The following SAFB variants were observed in gnomAD, a reference collection of about 807,000 sequenced individuals.
SAFB encodes scaffold attachment factor B.
SAFB carries 15 observed loss-of-function variants against 101.6 expected under a neutral mutation model. The observed-to-expected ratio is 0.15, with a 90% CI of 0.10 to 0.23. The LOEUF (loss-of-function observed/expected upper bound fraction) is 0.23. Ranked by LOEUF, SAFB falls within the 10% of genes least tolerant of loss-of-function variation. The pLI is 1.00. For missense variants in SAFB, 930 were observed against 1,104.1 expected (o/e 0.84, Z 2.23); for synonymous variants, 449 against 407.5 (o/e 1.10, Z -1.23).
intron 13 of SAFB, among the ~76,000 whole-genome samples, chr19:5,655,410 C>T (rs1248363049): frequency 2.0e-5 from 3 of 146,902 alleles, no homozygotes; most frequent in Non-Finnish European, 3.0e-5. Context: ...TAGTGAGCCA[C>T]GTTCATTGCA....
Position 5,653,429 on chromosome 19 carries a change from C to T in SAFB, c.1526+9C>T, listed in dbSNP as rs1031133552. ...TCGAGCAACAGTGACAGGTACCCCT[C>T]CTTCCTGGCTAAATTAAAGGGGCAG... On this transcript the variant is annotated intron_variant, in intron 11 of 20. Coordinates refer to ENST00000588852, the MANE Select transcript of SAFB (RefSeq NM_001201338.2). 3.1e-6 allele frequency: 5 copies of T among 1,612,114 alleles called. No homozygotes were observed. Among genetic ancestry groups the T allele is most frequent in the Admixed American group, 3.3e-5 (2 of 59,890 alleles).
At chr19:5,641,327 A>G (rs2053708569) in intron 2 of SAFB, among the ~76,000 whole-genome samples, 1 of 152,164 alleles carries the variant, frequency 6.6e-6, no homozygotes, top group Non-Finnish European at 1.5e-5. Context: ...AGAGCTGAGG[A>G]CAGGTCTGAT....
chr19:5,633,681 A>G (rs1169494410), intron 2 of SAFB, among the ~76,000 whole-genome samples: 1 of 152,006 alleles, frequency 6.6e-6, no homozygotes, highest in Non-Finnish European at 1.5e-5. Flanking sequence ...CGGGAGGCTG[A>G]GGCAGGAGAA....
intron 2 of SAFB, among the ~76,000 whole-genome samples, chr19:5,640,806 G>T (rs762885402): frequency 6.6e-6 from 1 of 152,140 alleles, no homozygotes; most frequent in Non-Finnish European, 1.5e-5. Flanking sequence ...GGCCAGGCTG[G>T]TGTCAAACTC....
At chr19:5,623,457 G>A in intron 1 of SAFB, 63 bp downstream of exon 1, 1 of 1,427,874 alleles carries the variant, frequency 7.0e-7, no homozygotes, top group Non-Finnish European at 9.5e-7. Flanking sequence ...CCGCGACGGT[G>A]GCTCGCGGGC....
chr19:5,641,343 T>TC (rs1568258761), intron 2 of SAFB, among the ~76,000 whole-genome samples: 1 of 152,070 alleles, frequency 6.6e-6, no homozygotes, highest in East Asian at 1.9e-4. Context: ...CTGATCCTGT[T>TC]CAACTTTACT....
At position 5,667,512 on chromosome 19, in the gene SAFB, G is replaced by T. The variant is rs982643774; in HGVS notation, c.2557+62G>T. 2 of 1,188,676 alleles carry T rather than the reference G, an allele frequency of 1.7e-6. No homozygotes were observed. The highest frequency in any genetic ancestry group is 2.4e-6 in the Non-Finnish European group (2 of 842,440). 73.6% of individuals were successfully genotyped at this position (1,188,676 alleles called of 1,614,324 possible). On this transcript the variant is annotated intron_variant, in intron 19 of 20. Coordinates refer to ENST00000588852, the MANE Select transcript of SAFB (RefSeq NM_001201338.2). The surrounding 1 kb of genome is among the most constrained non-coding windows in gnomAD (Gnocchi z 4.0). ...GGGGAGTGATGGAAAGATGGAGGCC[G>T]CGCCTTCTCTCCTTGGGGGAGCACA...
rs370999729 is a variant in SAFB at position 5,661,553 on chromosome 19, T to C, written c.1898T>C (p.Met633Thr). 6 of 1,613,068 alleles carry C rather than the reference T, an allele frequency of 3.7e-6. No individual in the cohort carries two copies. Among genetic ancestry groups the C allele is most frequent in the Non-Finnish European group, 5.1e-6 (6 of 1,179,904 alleles). Residue 633 changes from methionine to threonine, a missense_variant, in exon 15 of 21, where the codon ATG becomes ACG. Physicochemically the swap from Met to Thr is moderately conservative, Grantham distance 81. Around this residue, in one of 7 missense-constraint regions of SAFB, gnomAD observed 159 missense variants for 234.1 expected, o/e 0.68. Transcript: ENST00000588852. ...VRERSEREQR[M>T]QAQWEREERE... ...GAACGCAGTGAACGCGAACAACGCA[T>C]GCAGGCGCAGTGGGAGCGCGAGGAG...
In SAFB at chr19:5,627,699, C is replaced by T. The variant is rs575669088; in HGVS notation, c.274+1210C>T. Among the ~76,000 whole-genome samples the T allele has an allele frequency of 2.6e-5, 4 of 152,234 alleles. No individual in the cohort carries two copies. In the South Asian group the frequency reaches 6.2e-4, roughly 24 times the overall value. On this transcript the variant is annotated intron_variant, in intron 2 of 20. Coordinates refer to ENST00000588852, the MANE Select transcript of SAFB (RefSeq NM_001201338.2). Reference sequence around the variant, plus strand: ...TTACTCTCCTGGTTCTCTGTGACTTCGCTCCGCCCACCCTTCCCCATCTGT... The same window carrying T: ...TTACTCTCCTGGTTCTCTGTGACTTTGCTCCGCCCACCCTTCCCCATCTGT...
At chr19:5,624,549 C>G (rs1357221305) in intron 1 of SAFB, among the ~76,000 whole-genome samples, 1 of 152,122 alleles carries the variant, frequency 6.6e-6, no homozygotes, top group Non-Finnish European at 1.5e-5. Flanking sequence ...GGGACCTCTC[C>G]CCTGTAGTTG....
chr19:5,663,997 A>G (rs540512342), intron 15 of SAFB, 25 bp from the exon 16 acceptor site: 14 of 1,611,486 alleles, frequency 8.7e-6, no homozygotes, highest in East Asian at 6.7e-5. Flanking sequence ...GGATCCCTCT[A>G]TCTCTGTCTC....
At chr19:5,629,336 TAGG>T (rs974284162) in intron 2 of SAFB, among the ~76,000 whole-genome samples, 5 of 152,020 alleles carry the variant, frequency 3.3e-5, no homozygotes, top group Admixed American at 6.6e-5. Context: ...GAGGCCAAGG[TAGG>T]AGGATTGCTT....
At chr19:5,664,199 C>G in intron 16 of SAFB, 40 bp downstream of exon 16, 1 of 1,604,230 alleles carries the variant, frequency 6.2e-7, no homozygotes, top group African/African-American at 1.3e-5. Flanking sequence ...TTTTCTTTTT[C>G]CTGGCTCATT....
Position 5,648,893 on chromosome 19 carries a change from G to A in SAFB, c.638-96G>A, listed in dbSNP as rs1417131365. On this transcript the variant is annotated intron_variant, in intron 6 of 20. Transcript: ENST00000588852. Reference sequence around the variant, plus strand: ...CTCTGTGTAGCTAGCAGTTCTCTTCGTGTTAGTGTGGCAGCCGTGCCAGTT... The same window carrying A: ...CTCTGTGTAGCTAGCAGTTCTCTTCATGTTAGTGTGGCAGCCGTGCCAGTT... 1.7e-5 allele frequency: 7 copies of A among 412,676 alleles called. 1 individual carries two copies. The highest frequency in any genetic ancestry group is 5.3e-5 in the South Asian group (3 of 56,906). The allele number at this position is 412,676 out of a possible 1,614,324, so 25.6% of individuals were successfully genotyped here. A position where few individuals can be genotyped will look rare whatever the true frequency, so the allele number is the denominator to read the frequency against.
intron 4 of SAFB, among the ~76,000 whole-genome samples, chr19:5,642,957 G>A (rs1340455863): frequency 2.0e-5 from 3 of 151,968 alleles, no homozygotes; most frequent in South Asian, 4.2e-4. Flanking sequence ...GTGAGCCACC[G>A]CGCCCAGCAT....
chr19:5,635,708 C>G (rs539248612), intron 2 of SAFB, among the ~76,000 whole-genome samples: 1 of 152,192 alleles, frequency 6.6e-6, no homozygotes, highest in African/African-American at 2.4e-5. Flanking sequence ...TGGACAGTCT[C>G]TGAGGCAGAA....
intron 14 of SAFB, among the ~76,000 whole-genome samples, chr19:5,661,068 C>T (rs1232237287): frequency 3.3e-5 from 5 of 150,140 alleles, no homozygotes; most frequent in East Asian, 2.0e-4. Flanking sequence ...CAGGTGCGTG[C>T]GTGCCACCAT....
At chr19:5,642,298 A>G (rs893847579) in intron 4 of SAFB, among the ~76,000 whole-genome samples, 4 of 152,138 alleles carry the variant, frequency 2.6e-5, no homozygotes, top group African/African-American at 9.7e-5. Flanking sequence ...TTAAGAAGCA[A>G]TTGTTGAGCT....
Position 5,666,859 on chromosome 19 carries a change from C to T in SAFB, c.2335-187C>T, listed in dbSNP as rs1473208035. Reference sequence around the variant, plus strand: ...ACCTTTTTTGTACCAGGCCATGAGCCTAGGGCACAGGGCCTCTGGCCTGCA... The same window carrying T: ...ACCTTTTTTGTACCAGGCCATGAGCTTAGGGCACAGGGCCTCTGGCCTGCA... On this transcript the variant is annotated intron_variant, in intron 17 of 20. Coordinates refer to ENST00000588852, the MANE Select transcript of SAFB (RefSeq NM_001201338.2). 4 of 692,880 alleles carry T rather than the reference C, an allele frequency of 5.8e-6. No individual in the cohort carries two copies. The South Asian group carries it at 6.6e-5, about 11-fold the overall frequency. The allele number at this position is 692,880 out of a possible 1,614,324, so 42.9% of individuals were successfully genotyped here. A position where few individuals can be genotyped will look rare whatever the true frequency, so the allele number is the denominator to read the frequency against.
Sources: gnomAD v4.1 joint callset for allele counts (sites outside exome capture counted in the v4.1 genomes callset) on GRCh38, gnomAD v4.1.1 for gene constraint, gnomAD v4.1.1 regional missense constraint, Gnocchi (gnomAD v3.1) non-coding constraint, MANE v1.5 for transcripts, NCBI Gene and HGNC (gene_info 2026-07-23, HGNC 2026-07-21) for gene names.